Variants in PLCH1 observed in about 807,000 individuals in gnomAD.
The protein encoded by PLCH1 is phospholipase C eta 1, also known as 1-phosphatidylinositol 4,5-bisphosphate phosphodiesterase eta-1.
PLCH1 carries 60 observed loss-of-function variants against 126.7 expected under a neutral mutation model. The observed-to-expected ratio is 0.47, with a 90% CI of 0.38 to 0.59. The LOEUF (loss-of-function observed/expected upper bound fraction) is 0.59. PLCH1 is among the 20% of genes least tolerant of loss of function. The pLI, the probability that PLCH1 is intolerant of heterozygous loss-of-function variation, is 0.00. For missense variants in PLCH1, 1,723 were observed against 2,040.0 expected (o/e 0.84, Z 2.99); for synonymous variants, 719 against 734.9 (o/e 0.98, Z 0.35).
intron 12 of PLCH1, among the ~76,000 whole-genome samples, chr3:155,510,975 C>T (rs1719385524): frequency 8.0e-6 from 1 of 125,560 alleles, no homozygotes; most frequent in Non-Finnish European, 1.6e-5. Flanking sequence ...CCATTCTCCA[C>T]ATCACTTTCA....
intron 14 of PLCH1, among the ~76,000 whole-genome samples, chr3:155,497,967 G>T (rs963119640): frequency 7.9e-5 from 12 of 152,100 alleles, no homozygotes; most frequent in Admixed American, 2.0e-4. Context: ...CACCTGCATT[G>T]GCCTCCCAAA....
chr3:155,564,850 C>T, intron 8 of PLCH1, 65 bp downstream of exon 8: 1 of 1,001,158 alleles, frequency 1.0e-6, no homozygotes, highest in Non-Finnish European at 1.6e-6. Flanking sequence ...TTATACTAGA[C>T]TCGACAGACT....
chr3:155,552,342 G>A (rs1726253020), intron 9 of PLCH1, among the ~76,000 whole-genome samples: 1 of 152,200 alleles, frequency 6.6e-6, no homozygotes, highest in East Asian at 1.9e-4. Context: ...AGATGTAAAA[G>A]AAGGCAAGTA....
intron 2 of PLCH1, among the ~76,000 whole-genome samples, chr3:155,634,933 A>G (rs1158496129): frequency 1.3e-5 from 2 of 152,154 alleles, no homozygotes; most frequent in Non-Finnish European, 2.9e-5. Context: ...CATGGGTAAA[A>G]GCGTGAACTA....
chr3:155,541,914 C>T (rs890173899), intron 10 of PLCH1, among the ~76,000 whole-genome samples: 2 of 152,000 alleles, frequency 1.3e-5, no homozygotes, highest in Non-Finnish European at 2.9e-5. Context: ...CCAAGATGGC[C>T]GAATAGGAAC....
chr3:155,608,398 A>C (rs1331639836), intron 2 of PLCH1, among the ~76,000 whole-genome samples: 1 of 152,204 alleles, frequency 6.6e-6, no homozygotes, highest in Non-Finnish European at 1.5e-5. Flanking sequence ...GTGAGGCCTG[A>C]AAGCTGTGCT....
chr3:155,548,715 T>C (rs1174291130), intron 10 of PLCH1, among the ~76,000 whole-genome samples: 1 of 152,246 alleles, frequency 6.6e-6, no homozygotes. Flanking sequence ...CTTGGGCAAA[T>C]TGGCCTTCAT....
At position 155,482,627 on chromosome 3, in the gene PLCH1, ATTACCTTCCAGGTTC is replaced by A; in HGVS notation, c.3384_3398del (p.Lys1128_Gly1132del). ...ATGTTGCAGCTCGGCCCTTACCCCT[ATTACCTTCCAGGTTC>A]TTAATTTCTAGGTTGCTATGAGAAA... On this transcript the variant is annotated inframe_deletion, in exon 23 of 23. Coordinates refer to ENST00000460012, the MANE Select transcript of PLCH1 (RefSeq NM_014996.4). 6.2e-7 allele frequency: 1 copy of A among 1,614,114 alleles called. No individual in the cohort carries two copies. Among genetic ancestry groups the A allele is most frequent in the Non-Finnish European group, 8.5e-7 (1 of 1,180,014 alleles).
intron 2 of PLCH1, among the ~76,000 whole-genome samples, chr3:155,650,597 A>G (rs1312160411): frequency 2.0e-5 from 3 of 152,252 alleles, no homozygotes; most frequent in Non-Finnish European, 2.9e-5. Flanking sequence ...GGAAATTAAG[A>G]GAAAGTAGTT....
chr3:155,647,463 C>T (rs1193347153), intron 2 of PLCH1, among the ~76,000 whole-genome samples: 1 of 151,652 alleles, frequency 6.6e-6, no homozygotes, highest in African/African-American at 2.4e-5. Context: ...ATCTGTTACA[C>T]CAAAAGACAC....
chr3:155,497,313 T>C lies in PLCH1; in HGVS notation c.1894+7A>G. On this transcript the variant is annotated splice_region_variant and intron_variant, in intron 15 of 22. Coordinates refer to ENST00000460012, the MANE Select transcript of PLCH1 (RefSeq NM_014996.4). The stretch of plus-strand genomic sequence containing the variant: ...CAGAGCAGAATGAGAAAACTCTCCA[T>C]CCTTACCGTCATCCACAATGTCCTG... 6.4e-7 allele frequency: 1 copy of C among 1,573,914 alleles called. No homozygotes were observed. Among genetic ancestry groups the C allele is most frequent in the East Asian group, 2.2e-5 (1 of 44,684 alleles).
At chr3:155,588,069 T>C (rs1473434816) in intron 4 of PLCH1, among the ~76,000 whole-genome samples, 2 of 152,116 alleles carry the variant, frequency 1.3e-5, no homozygotes, top group Non-Finnish European at 2.9e-5. Flanking sequence ...CGATTCAAAT[T>C]ATGACTGTAG....
chr3:155,490,803 G>C lies in PLCH1; in HGVS notation c.2373C>G (p.Thr791=). 1 of 1,583,140 alleles carries C rather than the reference G, an allele frequency of 6.3e-7. No individual in the cohort carries two copies. Among genetic ancestry groups the C allele is most frequent in the Non-Finnish European group, 8.7e-7 (1 of 1,152,422 alleles). Residue 791 remains threonine (T), a synonymous_variant, in exon 19 of 23, where the codon ACC becomes ACG. Transcript: ENST00000460012. ...GLPVDCCKDQ[T]RVVDDNGFNP... ...TCTTACCATTGTCATCTACCACACG[G>C]GTTTGATCTTTACAACAATCTACTG...
intron 2 of PLCH1, among the ~76,000 whole-genome samples, chr3:155,637,935 C>T (rs1274149538): frequency 2.0e-5 from 3 of 152,150 alleles, no homozygotes; most frequent in Non-Finnish European, 4.4e-5. Flanking sequence ...TCCCTGGGTG[C>T]ACTAGCCAGT....
intron 1 of PLCH1, among the ~76,000 whole-genome samples, chr3:155,707,382 G>T (rs552411935): frequency 1.3e-5 from 2 of 152,206 alleles, no homozygotes; most frequent in East Asian, 3.9e-4. Context: ...ATGTATTTTT[G>T]ACCTATAGAA....
intron 10 of PLCH1, among the ~76,000 whole-genome samples, chr3:155,537,375 G>T (rs1221103059): frequency 2.6e-5 from 4 of 151,542 alleles, no homozygotes; most frequent in African/African-American, 9.7e-5. Context: ...CTAGCAAAAT[G>T]AATCTAATAG....
At chr3:155,543,104 A>C (rs1330486445) in intron 10 of PLCH1, among the ~76,000 whole-genome samples, 3 of 152,212 alleles carry the variant, frequency 2.0e-5, no homozygotes, top group Admixed American at 2.0e-4. Flanking sequence ...TACAGGAGGA[A>C]ATTCAAACCA....
At chr3:155,737,231 C>CAA (rs557369057) in intron 1 of PLCH1, among the ~76,000 whole-genome samples, 8,306 of 59,486 alleles carry the variant, frequency 0.14, 1,323 homozygotes, top group Middle Eastern at 0.26. Flanking sequence ...GCCTCCGTCT[C>CAA]AAAAAAAAAA....
downstream of PLCH1, among the ~76,000 whole-genome samples, chr3:155,479,306 T>C (rs1426752663): frequency 1.3e-5 from 2 of 152,120 alleles, no homozygotes; most frequent in African/African-American, 4.8e-5. Context: ...CAAAAATGCC[T>C]TGGGCTCACT....
Sources: gnomAD v4.1 joint callset for allele counts (sites outside exome capture counted in the v4.1 genomes callset) on GRCh38, gnomAD v4.1.1 for gene constraint, MANE v1.5 for transcripts, NCBI Gene and HGNC (gene_info 2026-07-23, HGNC 2026-07-21) for gene names.